The following CARM1 variants were observed in gnomAD, a reference collection of about 807,000 sequenced individuals.
CARM1 encodes coactivator associated arginine methyltransferase 1.
Under a neutral mutation model 72.7 loss-of-function variants are expected in CARM1, and 14 were observed. The ratio of observed to expected loss-of-function variants is 0.19; its 90% CI spans 0.13 to 0.30. CARM1 has a LOEUF of 0.30. Ranked by LOEUF, CARM1 falls within the 10% of genes least tolerant of loss-of-function variation. The pLI is 1.00. For synonymous variants in CARM1, 333 were observed against 345.5 expected, an observed-to-expected ratio of 0.96 and a Z score of 0.40; for missense variants, 432 against 833.7, an observed-to-expected ratio of 0.52 and a Z score of 5.93.
In CARM1 at chr19:10,922,002, TC is replaced by T. The variant is rs1320092142; in HGVS notation, c.*251del. ...CAAAATCATGTTGTGGGAGCCCTCG[TC>T]CCCCCTCCTGCCCGCTCTACCCTGA... On this transcript the variant is annotated 3_prime_UTR_variant, in exon 16 of 16. Transcript: ENST00000327064. 2.0e-5 allele frequency: 8 copies of T among 408,856 alleles called. No individual in the cohort carries two copies. Among genetic ancestry groups the T allele is most frequent in the South Asian group, 6.8e-5 (2 of 29,492 alleles). 25.3% of individuals were successfully genotyped at this position (408,856 alleles called of 1,614,324 possible).
Position 10,916,699 on chromosome 19 carries a change from C to T in CARM1, c.942C>T (p.Tyr314=), listed in dbSNP as rs755976918. The change falls in exon 8 of 16, where the codon TAC becomes TAT. Residue 314 remains tyrosine (Y), a synonymous_variant. Coordinates refer to ENST00000327064, the MANE Select transcript of CARM1 (RefSeq NM_199141.2). The surrounding 1 kb of genome is among the most constrained non-coding windows in gnomAD (Gnocchi z 4.4). ...MEQFTKANFW[Y]QPSFHGVDLS... is the part of the protein sequence containing the mutation. ...TGGGGGTGGGGCCTGTCCACAGGTA[C>T]CAGCCATCTTTCCATGGAGTGGACC... 1.9e-6 allele frequency: 3 copies of T among 1,568,578 alleles called. No individual in the cohort carries two copies. The highest frequency in any genetic ancestry group is 2.7e-5 in the African/African-American group (2 of 74,076).
At chr19:10,902,550 C>CGGT (rs771625303) in intron 1 of CARM1, among the ~76,000 whole-genome samples, 13 of 151,226 alleles carry the variant, frequency 8.6e-5, no homozygotes, top group Non-Finnish European at 1.9e-4. Flanking sequence ...ACCTCGTGAT[C>CGGT]CACCCATCTT....
At chr19:10,919,457 G>A (rs1044145007) in intron 8 of CARM1, 138 bp from the exon 9 acceptor site, 19 of 651,050 alleles carry the variant, frequency 2.9e-5, no homozygotes, top group East Asian at 7.8e-5. Flanking sequence ...CCCTCCTCAC[G>A]GCGTGTCTGG....
At chr19:10,882,009 C>T (rs970043376) in intron 1 of CARM1, among the ~76,000 whole-genome samples, 1 of 152,058 alleles carries the variant, frequency 6.6e-6, no homozygotes, top group African/African-American at 2.4e-5. Flanking sequence ...TAGAGGGAGG[C>T]TGAGGGCAGA....
At chr19:10,880,513 ATTT>A (rs34015668) in intron 1 of CARM1, among the ~76,000 whole-genome samples, 3 of 136,264 alleles carry the variant, frequency 2.2e-5, no homozygotes, top group African/African-American at 2.7e-5. Flanking sequence ...TGCCTGGCTA[ATTT>A]TTTTTTTTTT....
chr19:10,871,654 G>C lies in CARM1; in HGVS notation c.-49G>C, dbSNP rs1010668126. 293 of 364,286 alleles carry C rather than the reference G, an allele frequency of 8.0e-4. 3 individuals carry two copies. The highest frequency in any genetic ancestry group is 8.4e-4 in the Non-Finnish European group (234 of 277,214). 22.6% of individuals were successfully genotyped at this position (364,286 alleles called of 1,614,324 possible). A position where few individuals can be genotyped will look rare whatever the true frequency, so the allele number is the denominator to read the frequency against. On this transcript the variant is annotated 5_prime_UTR_variant, in exon 1 of 16. Transcript: ENST00000327064. This position sits in a 1 kb window ranked among gnomAD's most constrained non-coding sequence, Gnocchi z 5.6. ...GCGGCGGCGGCAGCGGCGGCGGCCT[G>C]GGCCCGGGCGCAGCGGCGGCGGCGG...
chr19:10,875,133 C>T (rs956747213), intron 1 of CARM1, among the ~76,000 whole-genome samples: 1 of 151,952 alleles, frequency 6.6e-6, no homozygotes, highest in African/African-American at 2.4e-5. Context: ...TTTAAGACAA[C>T]AGGAATGGAT....
chr19:10,893,690 C>G (rs977181749), intron 1 of CARM1, among the ~76,000 whole-genome samples: 4 of 152,194 alleles, frequency 2.6e-5, no homozygotes, highest in African/African-American at 4.8e-5. Flanking sequence ...AAGGCAGGTG[C>G]TAGTTCGGGG....
At position 10,883,144 on chromosome 19, in the gene CARM1, G is replaced by C. The variant is rs536591500; in HGVS notation, c.220+11222G>C. Among the ~76,000 whole-genome samples, 308 of 152,344 alleles carry C rather than the reference G, an allele frequency of 2.0e-3. 2 individuals are homozygous for C. The highest frequency in any genetic ancestry group is 7.0e-3 in the African/African-American group (293 of 41,584). ...CATGGGAGCCTCACCTTGGGACCTT[G>C]TCCAGGGAACCGTGGTTCTCCCTCC... On this transcript the variant is annotated intron_variant, in intron 1 of 15. Coordinates refer to ENST00000327064, the MANE Select transcript of CARM1 (RefSeq NM_199141.2).
chr19:10,923,011 G>A lies in CARM1; in HGVS notation c.*1254G>A, dbSNP rs187656203. On this transcript the variant is annotated 3_prime_UTR_variant, in exon 16 of 16. Transcript: ENST00000327064. ...CTCCCTGCTCGGCTGCCCCTCGCCC[G>A]CCTTTATATAAATTCTCTGAATCAC... is the stretch of plus-strand genomic sequence containing the variant. 5.7e-4 allele frequency: 179 copies of A among 314,390 alleles called. 1 individual carries two copies. In the Middle Eastern group the frequency reaches 8.1e-3, roughly 14 times the overall value. The allele number at this position is 314,390 out of a possible 1,614,324, so 19.5% of individuals were successfully genotyped here.
intron 1 of CARM1, among the ~76,000 whole-genome samples, chr19:10,881,136 A>G (rs922090203): frequency 6.6e-6 from 1 of 152,124 alleles, no homozygotes; most frequent in East Asian, 1.9e-4. Context: ...ACTGCACTCC[A>G]TCCCGGGAAA....
chr19:10,920,063 C>G lies in CARM1; in HGVS notation c.1196+97C>G. 1 of 919,556 alleles carries G rather than the reference C, an allele frequency of 1.1e-6. No individual in the cohort carries two copies. The highest frequency in any genetic ancestry group is 2.5e-5 in the East Asian group (1 of 40,472). The allele number at this position is 919,556 out of a possible 1,614,324, so 57.0% of individuals were successfully genotyped here. The stretch of plus-strand genomic sequence containing the variant: ...GGGGGGTGGAACATGGCTCCAGGTT[C>G]CACCATCCCTTCCAATGGGAGTGAG... On this transcript the variant is annotated intron_variant, in intron 10 of 15. Transcript: ENST00000327064. This position sits in a 1 kb window ranked among gnomAD's most constrained non-coding sequence, Gnocchi z 5.3.
Position 10,921,459 on chromosome 19 carries a change from G to A in CARM1, c.1684+16G>A. ...ATTGTCCAAGGTAACGAGGGTGGCG[G>A]GGGCAGGGCCCGTGGGGGCCGAGCT... On this transcript the variant is annotated intron_variant, in intron 15 of 15. Transcript: ENST00000327064. 1 of 1,597,384 alleles carries A rather than the reference G, an allele frequency of 6.3e-7. No individual in the cohort carries two copies. Among genetic ancestry groups the A allele is most frequent in the South Asian group, 1.1e-5 (1 of 89,526 alleles).
At chr19:10,890,963 G>A (rs2073983898) in intron 1 of CARM1, among the ~76,000 whole-genome samples, 1 of 151,628 alleles carries the variant, frequency 6.6e-6, no homozygotes, top group Non-Finnish European at 1.5e-5. Flanking sequence ...GACAGAGGGA[G>A]ACCAAAACTG....
intron 1 of CARM1, among the ~76,000 whole-genome samples, chr19:10,899,870 G>A (rs143393008): frequency 4.6e-4 from 70 of 152,058 alleles, no homozygotes; most frequent in Middle Eastern, 6.8e-3. Flanking sequence ...ACAGGCACCC[G>A]CCATCATGCC....
intron 1 of CARM1, among the ~76,000 whole-genome samples, chr19:10,898,704 C>T (rs1055711969): frequency 6.6e-6 from 1 of 152,220 alleles, no homozygotes; most frequent in Non-Finnish European, 1.5e-5. Flanking sequence ...GATGCCTGTG[C>T]GTCCCGGGCC....
At position 10,914,069 on chromosome 19, in the gene CARM1, G is replaced by A. The variant is rs1415891550; in HGVS notation, c.847+15G>A. The A allele has an allele frequency of 2.5e-6, 4 of 1,605,048 alleles. No homozygotes were observed. Among genetic ancestry groups the A allele is most frequent in the Admixed American group, 1.7e-5 (1 of 58,870 alleles). On this transcript the variant is annotated intron_variant, in intron 6 of 15. Transcript: ENST00000327064. ...GAAGCCCAGCGGTGAGCACTGGGGGGTACACAGGCCAGGCCCCTCGGTGGA... is the reference window on the plus strand; with the variant it reads ...GAAGCCCAGCGGTGAGCACTGGGGGATACACAGGCCAGGCCCCTCGGTGGA...
intron 1 of CARM1, among the ~76,000 whole-genome samples, chr19:10,885,168 T>C (rs1283346459): frequency 2.0e-5 from 3 of 152,206 alleles, no homozygotes; most frequent in Non-Finnish European, 4.4e-5. Context: ...ACAGCCCCTC[T>C]TTCCCTGTCT....
chr19:10,913,385 C>T (rs1414142749), intron 5 of CARM1, among the ~76,000 whole-genome samples: 1 of 151,738 alleles, frequency 6.6e-6, no homozygotes, highest in Non-Finnish European at 1.5e-5. Flanking sequence ...GTGGCAAAAC[C>T]CCATTAGCCA....
Sources: gnomAD v4.1 joint callset for allele counts (sites outside exome capture counted in the v4.1 genomes callset) on GRCh38, gnomAD v4.1.1 for gene constraint, Gnocchi (gnomAD v3.1) non-coding constraint, MANE v1.5 for transcripts, NCBI Gene and HGNC (gene_info 2026-07-23, HGNC 2026-07-21) for gene names.